CAMTA1: variants seen among roughly 807,000 people sequenced by gnomAD.
The protein encoded by CAMTA1 is calmodulin-binding transcription activator 1.
CAMTA1 carries 27 observed loss-of-function variants against 170.9 expected under a neutral mutation model. That is an observed-to-expected ratio of 0.16 (90% confidence interval 0.12 to 0.22). CAMTA1 has a LOEUF of 0.22. Ranked by LOEUF, CAMTA1 falls within the 10% of genes least tolerant of loss-of-function variation. CAMTA1 has a pLI of 1.00. For synonymous variants in CAMTA1, 833 were observed against 891.5 expected (o/e 0.93, Z 1.17); for missense variants, 1,619 against 2,217.2 (o/e 0.73, Z 5.42).
chr1:7,374,834 C>G (rs2086726630), intron 5 of CAMTA1, among the ~76,000 whole-genome samples: 1 of 152,188 alleles, frequency 6.6e-6, no homozygotes, highest in Admixed American at 6.5e-5. Flanking sequence ...GAATGAAGCT[C>G]AGAGATGAGA....
chr1:7,029,652 A>G (rs1702531396), intron 3 of CAMTA1, among the ~76,000 whole-genome samples: 1 of 152,044 alleles, frequency 6.6e-6, no homozygotes. Context: ...ACTTCTCTAG[A>G]ACAATGTTTC....
chr1:7,339,807 G>A (rs183339651), intron 5 of CAMTA1, among the ~76,000 whole-genome samples: 2 of 152,210 alleles, frequency 1.3e-5, no homozygotes, highest in Admixed American at 1.3e-4. Flanking sequence ...ATGTTGGCCA[G>A]GCTGGTCTCA....
intron 6 of CAMTA1, among the ~76,000 whole-genome samples, chr1:7,583,661 T>TG (rs968147307): frequency 2.6e-5 from 4 of 152,120 alleles, no homozygotes; most frequent in African/African-American, 9.7e-5. Flanking sequence ...CTGCCGCCTC[T>TG]GGGGGGCAGT....
intron 6 of CAMTA1, among the ~76,000 whole-genome samples, chr1:7,518,590 C>A (rs906194468): frequency 1.4e-4 from 21 of 152,096 alleles, no homozygotes; most frequent in African/African-American, 4.8e-4. Flanking sequence ...GAGCCTGGGC[C>A]GCCCACACTG....
At chr1:7,413,863 TG>T (rs1444305660) in intron 5 of CAMTA1, among the ~76,000 whole-genome samples, 1 of 152,236 alleles carries the variant, frequency 6.6e-6, no homozygotes, top group Non-Finnish European at 1.5e-5. Flanking sequence ...TTCCAGTTTT[TG>T]CCCATTCAGT....
In CAMTA1 at chr1:6,881,327, C is replaced by T. The variant is rs184051437; in HGVS notation, c.234+56117C>T. The stretch of plus-strand genomic sequence containing the variant: ...TGCATGCTATTCTAGTGTGACTGAG[C>T]GGGTATCTCTCATGAGGTGAATTGA... On this transcript the variant is annotated intron_variant, in intron 3 of 22. Transcript: ENST00000303635. Among the ~76,000 whole-genome samples the T allele has an allele frequency of 3.9e-5, 6 of 152,230 alleles. No homozygotes were observed. The East Asian group carries it at 5.8e-4, about 15-fold the overall frequency.
intron 6 of CAMTA1, among the ~76,000 whole-genome samples, chr1:7,632,041 G>T (rs1377016231): frequency 6.6e-6 from 1 of 152,124 alleles, no homozygotes; most frequent in African/African-American, 2.4e-5. Flanking sequence ...GCCCAGTGCC[G>T]CCCTCTATCC....
chr1:6,802,117 C>T (rs935301897), intron 1 of CAMTA1, among the ~76,000 whole-genome samples: 24 of 152,120 alleles, frequency 1.6e-4, no homozygotes, highest in African/African-American at 4.3e-4. Context: ...CGTAGCCTCT[C>T]GGGACAGAAA....
At chr1:7,122,808 G>A (rs553912922) in intron 4 of CAMTA1, among the ~76,000 whole-genome samples, 123 of 152,108 alleles carry the variant, frequency 8.1e-4, no homozygotes, top group Non-Finnish European at 1.4e-3. Context: ...GCTTGGTGTC[G>A]CCCGAGTCTC....
chr1:7,452,505 A>G (rs2092850832), intron 5 of CAMTA1, among the ~76,000 whole-genome samples: 1 of 152,220 alleles, frequency 6.6e-6, no homozygotes, highest in South Asian at 2.1e-4. Context: ...GAAACTCCCA[A>G]TGCATTAGCA....
intron 6 of CAMTA1, among the ~76,000 whole-genome samples, chr1:7,569,351 TACC>T (rs2095095763): frequency 8.1e-6 from 1 of 122,994 alleles, no homozygotes; most frequent in South Asian, 3.0e-4. Flanking sequence ...TCATCATCAC[TACC>T]ACCATCACCA....
intron 3 of CAMTA1, among the ~76,000 whole-genome samples, chr1:6,985,550 C>A (rs1249337515): frequency 6.6e-6 from 1 of 152,176 alleles, no homozygotes; most frequent in African/African-American, 2.4e-5. Context: ...TCATCGGGGA[C>A]CCGATATACA....
chr1:7,326,757 G>A (rs1490926089), intron 5 of CAMTA1, among the ~76,000 whole-genome samples: 1 of 152,192 alleles, frequency 6.6e-6, no homozygotes, highest in Non-Finnish European at 1.5e-5. Context: ...GAGAGAATAT[G>A]TTTCTGTTGC....
At chr1:7,052,046 C>T (rs1034877052) in intron 3 of CAMTA1, among the ~76,000 whole-genome samples, 5 of 128,590 alleles carry the variant, frequency 3.9e-5, no homozygotes, top group South Asian at 2.8e-4. Flanking sequence ...GTTCTCCTCT[C>T]GGCCTGAGTG....
intron 3 of CAMTA1, among the ~76,000 whole-genome samples, chr1:6,939,660 C>G (rs1195777317): frequency 1.3e-5 from 2 of 150,422 alleles, no homozygotes; most frequent in African/African-American, 2.4e-5. Flanking sequence ...TGTCTGGACC[C>G]TATTTATTCC....
intron 6 of CAMTA1, among the ~76,000 whole-genome samples, chr1:7,575,867 A>G (rs1020655993): frequency 6.6e-6 from 1 of 152,176 alleles, no homozygotes; most frequent in Admixed American, 6.5e-5. Flanking sequence ...AGGCAAGGCC[A>G]TTCTCAGTGA....
intron 5 of CAMTA1, among the ~76,000 whole-genome samples, chr1:7,439,108 T>A (rs950884889): frequency 1.3e-4 from 20 of 152,032 alleles, no homozygotes; most frequent in African/African-American, 4.1e-4. Flanking sequence ...CAGAGCTGCG[T>A]CCTCCCAGGG....
Position 7,179,470 on chromosome 1 carries a change from A to G in CAMTA1, c.303-70021A>G, listed in dbSNP as rs573694626. ...TAGAATATACTTTCTTCTCAGGTATACATGGAGCATTTACAAACAGTTATA... is the reference window on the plus strand; with the variant it reads ...TAGAATATACTTTCTTCTCAGGTATGCATGGAGCATTTACAAACAGTTATA... On this transcript the variant is annotated intron_variant, in intron 4 of 22. Coordinates refer to ENST00000303635, the MANE Select transcript of CAMTA1 (RefSeq NM_015215.4). Among the ~76,000 whole-genome samples, 101 of 152,358 alleles carry G rather than the reference A, an allele frequency of 6.6e-4. 1 individual carries two copies. Among genetic ancestry groups the G allele is most frequent in the East Asian group, 2.1e-3 (11 of 5,188 alleles).
chr1:6,998,413 G>A (rs896156582), intron 3 of CAMTA1, among the ~76,000 whole-genome samples: 4 of 152,186 alleles, frequency 2.6e-5, no homozygotes, highest in Admixed American at 2.6e-4. Flanking sequence ...GAGCCCTGGA[G>A]CTCTGCGTGC....
Sources: allele counts gnomAD v4.1 joint callset (sites outside exome capture counted in the v4.1 genomes callset), GRCh38; gene constraint gnomAD v4.1.1; transcripts MANE v1.5; gene names NCBI Gene and HGNC (gene_info 2026-07-23, HGNC 2026-07-21).